Variants in RANBP17 observed in about 807,000 individuals in gnomAD.
RANBP17 encodes the protein RAN binding protein 17, also known as ran-binding protein 17.
RANBP17 carries 158 observed loss-of-function variants against 141.2 expected under a neutral mutation model. The ratio of observed to expected loss-of-function variants is 1.12; its 90% CI spans 0.98 to 1.28. The LOEUF (loss-of-function observed/expected upper bound fraction) is 1.28. Ranked by LOEUF, RANBP17 falls within the 50% of genes most tolerant of loss-of-function variation. The probability of loss-of-function intolerance (pLI) is 0.00; values close to 1 mark genes in which losing one functional copy is unlikely to be tolerated. For synonymous variants in RANBP17, 430 were observed against 450.0 expected (o/e 0.96, Z 0.56); for missense variants, 1,438 against 1,290.7 (o/e 1.11, Z -1.75).
chr5:171,042,215 C>T lies in RANBP17; in HGVS notation c.1710+73838C>T, dbSNP rs184578748. 4.7e-3 allele frequency among the ~76,000 whole-genome samples: 721 copies of T among 151,914 alleles called. 4 individuals are homozygous for T. Among genetic ancestry groups the T allele is most frequent in the African/African-American group, 0.017 (699 of 41,398 alleles). On this transcript the variant is annotated intron_variant, in intron 14 of 27. Coordinates refer to ENST00000523189, the MANE Select transcript of RANBP17 (RefSeq NM_022897.5). The stretch of plus-strand genomic sequence containing the variant: ...ACTTATATTTTTCATAGATCCTAGG[C>T]CTATACAGGGTCAGGATCAGCAAGA...
intron 13 of RANBP17, among the ~76,000 whole-genome samples, chr5:170,955,584 A>ATATATATATATATATATATGCTCAGTG (rs1775590451): frequency 5.1e-5 from 2 of 39,598 alleles, no homozygotes. Flanking sequence ...GTCTGTGTGT[A>ATATATATATATATATATATGCTCAGTG]TATATATATA....
At chr5:170,973,572 A>G (rs1210535412) in intron 14 of RANBP17, among the ~76,000 whole-genome samples, 2 of 152,242 alleles carry the variant, frequency 1.3e-5, no homozygotes, top group Non-Finnish European at 2.9e-5. Context: ...ATTCGGTTAT[A>G]TAATTTCTGT....
chr5:170,897,800 A>G (rs1303866183), intron 5 of RANBP17, among the ~76,000 whole-genome samples: 2 of 152,132 alleles, frequency 1.3e-5, no homozygotes, highest in Non-Finnish European at 2.9e-5. Flanking sequence ...TTCTTTATCC[A>G]GTCTATCATT....
At chr5:171,148,620 A>G (rs1758255573) in intron 14 of RANBP17, among the ~76,000 whole-genome samples, 1 of 151,948 alleles carries the variant, frequency 6.6e-6, no homozygotes, top group African/African-American at 2.4e-5. Context: ...ATATATAGAG[A>G]GAGAGAGAGA....
chr5:171,174,975 G>A (rs1033413107), intron 16 of RANBP17, among the ~76,000 whole-genome samples: 3 of 151,782 alleles, frequency 2.0e-5, no homozygotes, highest in African/African-American at 7.3e-5. Context: ...TACAGGCCCT[G>A]GTGTGTGATA....
chr5:170,881,795 A>G lies in RANBP17; in HGVS notation c.166-11A>G. ...ATTTATGATAATAATAAATAAAATT[A>G]TTCTTTACAGACATCCTATGCTCAG... On this transcript the variant is annotated splice_polypyrimidine_tract_variant and intron_variant, in intron 2 of 27. Coordinates refer to ENST00000523189, the MANE Select transcript of RANBP17 (RefSeq NM_022897.5). 1 of 1,530,328 alleles carries G rather than the reference A, an allele frequency of 6.5e-7. No homozygotes were observed. The highest frequency in any genetic ancestry group is 8.9e-7 in the Non-Finnish European group (1 of 1,128,940). The allele number at this position is 1,530,328 out of a possible 1,614,324, so 94.8% of individuals were successfully genotyped here.
intron 14 of RANBP17, among the ~76,000 whole-genome samples, chr5:170,994,800 T>C (rs1216138795): frequency 6.6e-6 from 1 of 152,090 alleles, no homozygotes; most frequent in Non-Finnish European, 1.5e-5. Context: ...GAGTTTAAGC[T>C]CTCTTTTCAT....
intron 14 of RANBP17, among the ~76,000 whole-genome samples, chr5:170,977,065 A>G (rs566189446): frequency 2.0e-5 from 3 of 152,230 alleles, no homozygotes; most frequent in Admixed American, 6.5e-5. Context: ...ACCTACAAAA[A>G]TGGGAGAAGA....
At chr5:170,999,855 T>C (rs958109291) in intron 14 of RANBP17, among the ~76,000 whole-genome samples, 2 of 152,146 alleles carry the variant, frequency 1.3e-5, no homozygotes, top group Middle Eastern at 3.2e-3. Flanking sequence ...TCCAGAAGTC[T>C]TTTCATCTGC....
chr5:171,199,653 T>A lies in RANBP17; in HGVS notation c.2039-17T>A. The A allele has an allele frequency of 1.3e-6, 2 of 1,537,522 alleles. No individual in the cohort carries two copies. Among genetic ancestry groups the A allele is most frequent in the Non-Finnish European group, 1.8e-6 (2 of 1,113,606 alleles). On this transcript the variant is annotated splice_polypyrimidine_tract_variant and intron_variant, in intron 18 of 27. Coordinates refer to ENST00000523189, the MANE Select transcript of RANBP17 (RefSeq NM_022897.5). ...TATGCATTTTAAACCGTAGTGACCC[T>A]TTTGTTTCTCTGATAGGTGAAGATG...
At chr5:171,252,373 A>G in intron 24 of RANBP17, 2 of 1,536,810 alleles carry the variant, frequency 1.3e-6, no homozygotes, top group Non-Finnish European at 1.8e-6. Flanking sequence ...CAGATGTCTT[A>G]CTTGTGAAAC....
At chr5:171,123,253 C>T (rs1756176797) in intron 14 of RANBP17, among the ~76,000 whole-genome samples, 1 of 152,134 alleles carries the variant, frequency 6.6e-6, no homozygotes, top group African/African-American at 2.4e-5. Flanking sequence ...CCTGCTGGTA[C>T]CCACACATGT....
intron 24 of RANBP17, among the ~76,000 whole-genome samples, chr5:171,265,143 C>T (rs1375190785): frequency 2.0e-5 from 3 of 152,222 alleles, no homozygotes; most frequent in South Asian, 2.1e-4. Flanking sequence ...TTGTTAAGGT[C>T]GCAGATGGAA....
At chr5:170,949,736 A>G (rs952370343) in intron 12 of RANBP17, among the ~76,000 whole-genome samples, 1 of 152,174 alleles carries the variant, frequency 6.6e-6, no homozygotes, top group Non-Finnish European at 1.5e-5. Flanking sequence ...CTCAAGAGAA[A>G]TGAAAACATA....
chr5:171,070,834 T>C (rs1335170140), intron 14 of RANBP17, among the ~76,000 whole-genome samples: 1 of 152,174 alleles, frequency 6.6e-6, no homozygotes, highest in Non-Finnish European at 1.5e-5. Context: ...ACTTGATTTT[T>C]ACTCTTATTT....
chr5:171,227,132 T>C (rs1763929129), intron 22 of RANBP17, among the ~76,000 whole-genome samples: 2 of 152,318 alleles, frequency 1.3e-5, no homozygotes, highest in South Asian at 4.1e-4. Context: ...TGTACATGTC[T>C]CACTTTAAAT....
At chr5:171,090,261 G>T (rs531808065) in intron 14 of RANBP17, among the ~76,000 whole-genome samples, 12 of 152,302 alleles carry the variant, frequency 7.9e-5, no homozygotes, top group South Asian at 2.1e-4. Context: ...GAACTTGTTG[G>T]GAACTGGAGC....
chr5:171,061,788 G>A (rs1374653183), intron 14 of RANBP17, among the ~76,000 whole-genome samples: 1 of 152,138 alleles, frequency 6.6e-6, no homozygotes, highest in African/African-American at 2.4e-5. Context: ...TTATTAATGT[G>A]TGGGAGTCTA....
chr5:170,882,996 ATGTAT>A (rs1005239880), intron 3 of RANBP17, among the ~76,000 whole-genome samples: 19 of 152,172 alleles, frequency 1.2e-4, no homozygotes, highest in African/African-American at 3.9e-4. Context: ...AAAAGTTAAA[ATGTAT>A]TGTATGTGAT....
Sources: gnomAD v4.1 joint callset for allele counts (sites outside exome capture counted in the v4.1 genomes callset) on GRCh38, gnomAD v4.1.1 for gene constraint, MANE v1.5 for transcripts, NCBI Gene and HGNC (gene_info 2026-07-23, HGNC 2026-07-21) for gene names.